The following TENM3 variants were observed in gnomAD, a reference collection of about 807,000 sequenced individuals.
TENM3 encodes teneurin transmembrane protein 3.
In TENM3, 63 loss-of-function variants were observed where a neutral mutation model predicts 255.1. The ratio of observed to expected loss-of-function variants is 0.25; its 90% CI spans 0.20 to 0.30. TENM3 has a LOEUF of 0.30. TENM3 is among the 10% of genes least tolerant of loss of function. TENM3 has a pLI of 1.00. For missense variants in TENM3, 2,929 were observed against 3,461.1 expected, an observed-to-expected ratio of 0.85 and a Z score of 3.86; for synonymous variants, 1,306 against 1,322.3, an observed-to-expected ratio of 0.99 and a Z score of 0.27.
intron 3 of TENM3, among the ~76,000 whole-genome samples, chr4:182,474,669 G>T (rs947673401): frequency 6.6e-6 from 1 of 152,096 alleles, no homozygotes; most frequent in African/African-American, 2.4e-5. Context: ...TGTTCTTTGT[G>T]TGCATATTTC....
chr4:182,040,937 C>A, the TENM3 span, among the ~76,000 whole-genome samples: 2 of 152,092 alleles, frequency 1.3e-5, no homozygotes, highest in Non-Finnish European at 1.5e-5. Context: ...CTCCAAAAGG[C>A]TGAATTGCTA....
chr4:181,726,300 A>G, the TENM3 span, among the ~76,000 whole-genome samples: 2 of 152,150 alleles, frequency 1.3e-5, no homozygotes, highest in African/African-American at 4.8e-5. Context: ...TTTCTTTCCT[A>G]CCATGTAGAA....
chr4:182,393,031 C>A (rs1287251504), intron 3 of TENM3, among the ~76,000 whole-genome samples: 1 of 152,160 alleles, frequency 6.6e-6, no homozygotes, highest in Non-Finnish European at 1.5e-5. Flanking sequence ...GTCGGTTTGT[C>A]TTTGAGGGAT....
At chr4:181,605,957 T>A in the TENM3 span, among the ~76,000 whole-genome samples, 11 of 152,178 alleles carry the variant, frequency 7.2e-5, no homozygotes, top group Non-Finnish European at 1.6e-4. Context: ...ACCGTCCACA[T>A]CATCCTTTTC....
the TENM3 span, among the ~76,000 whole-genome samples, chr4:181,992,732 A>G: frequency 1.3e-5 from 2 of 152,182 alleles, no homozygotes; most frequent in Non-Finnish European, 2.9e-5. Context: ...CACGACTAGA[A>G]GCATTTTTCA....
At chr4:182,478,459 T>A (rs539168841) in intron 3 of TENM3, among the ~76,000 whole-genome samples, 269 of 152,096 alleles carry the variant, frequency 1.8e-3, no homozygotes, top group Non-Finnish European at 2.7e-3. Flanking sequence ...AGTTTTTTTT[T>A]TAATAATTAA....
chr4:182,755,389 G>A, intron 22 of TENM3, 130 bp downstream of exon 22: 1 of 964,468 alleles, frequency 1.0e-6, no homozygotes, highest in Non-Finnish European at 1.5e-6. Flanking sequence ...GTAATTTTTG[G>A]ATCCCGGCTG....
At chr4:182,009,529 T>TG in the TENM3 span, among the ~76,000 whole-genome samples, 2 of 152,180 alleles carry the variant, frequency 1.3e-5, no homozygotes, top group Non-Finnish European at 2.9e-5. Context: ...GCCCGTGCGT[T>TG]GGGCTGTGGG....
chr4:181,792,636 C>T, the TENM3 span, among the ~76,000 whole-genome samples: 4 of 152,164 alleles, frequency 2.6e-5, no homozygotes, highest in Admixed American at 6.6e-5. Context: ...TCTCAAATAG[C>T]CTCTTCCAAC....
the TENM3 span, among the ~76,000 whole-genome samples, chr4:181,482,318 A>C: frequency 6.6e-6 from 1 of 152,166 alleles, no homozygotes; most frequent in African/African-American, 2.4e-5. Flanking sequence ...CACTTAATAC[A>C]TCAACATAAA....
intron 2 of TENM3, among the ~76,000 whole-genome samples, chr4:182,342,329 C>T (rs1764537104): frequency 6.6e-6 from 1 of 152,130 alleles, no homozygotes; most frequent in Non-Finnish European, 1.5e-5. Context: ...CTGATGCATG[C>T]TATGACATGG....
At chr4:182,523,588 C>T (rs1411151184) in intron 3 of TENM3, among the ~76,000 whole-genome samples, 3 of 151,984 alleles carry the variant, frequency 2.0e-5, no homozygotes, top group Non-Finnish European at 4.4e-5. Context: ...GTCATAACAT[C>T]GTGGAATAAT....
chr4:181,515,898 A>G, the TENM3 span, among the ~76,000 whole-genome samples: 1 of 152,198 alleles, frequency 6.6e-6, no homozygotes, highest in Non-Finnish European at 1.5e-5. Flanking sequence ...ATGCATACTT[A>G]TGTTCACTGC....
intron 1 of TENM3, among the ~76,000 whole-genome samples, chr4:182,200,441 C>T (rs1754114622): frequency 6.6e-6 from 1 of 152,152 alleles, no homozygotes; most frequent in African/African-American, 2.4e-5. Context: ...AGCTTTTTTT[C>T]AGTGCTCTCA....
At chr4:181,576,839 G>A in the TENM3 span, among the ~76,000 whole-genome samples, 38 of 125,454 alleles carry the variant, frequency 3.0e-4, no homozygotes, top group African/African-American at 1.1e-3. Flanking sequence ...TTGAGACGGA[G>A]TTCCACTCTT....
intron 3 of TENM3, among the ~76,000 whole-genome samples, chr4:182,570,693 G>A (rs951380176): frequency 5.3e-5 from 8 of 152,114 alleles, no homozygotes; most frequent in Non-Finnish European, 8.8e-5. Flanking sequence ...AATTAGCCAG[G>A]CGTCATGGCA....
chr4:182,393,430 T>C (rs1234191736), intron 3 of TENM3, among the ~76,000 whole-genome samples: 2 of 152,114 alleles, frequency 1.3e-5, no homozygotes, highest in Non-Finnish European at 2.9e-5. Flanking sequence ...TATAGAAAAC[T>C]AGAAAATCAA....
chr4:181,831,968 T>TGTGTGTGTGTGTGTGTG, the TENM3 span, among the ~76,000 whole-genome samples: 1 of 132,640 alleles, frequency 7.5e-6, no homozygotes, highest in South Asian at 2.8e-4. Context: ...ATATATTACA[T>TGTGTGTGTGTGTGTGTG]TGTGTGTGTG....
the TENM3 span, among the ~76,000 whole-genome samples, chr4:181,768,668 T>A: frequency 1.3e-5 from 2 of 152,290 alleles, no homozygotes; most frequent in South Asian, 4.1e-4. Context: ...TTTTTTTCTA[T>A]CAAACCAGAA....
Sources: allele counts gnomAD v4.1 joint callset (sites outside exome capture counted in the v4.1 genomes callset), GRCh38; gene constraint gnomAD v4.1.1; transcripts MANE v1.5; gene names NCBI Gene and HGNC (gene_info 2026-07-23, HGNC 2026-07-21).